Variants in ITPR1 observed in about 807,000 individuals in gnomAD.
ITPR1 encodes the protein inositol 1,4,5-trisphosphate-gated calcium channel ITPR1.
Under a neutral mutation model 318.4 loss-of-function variants are expected in ITPR1, and 96 were observed. The observed-to-expected ratio is 0.30, with a 90% CI of 0.26 to 0.36. The LOEUF is 0.36. ITPR1 is among the 10% of genes least tolerant of loss of function. The pLI is 1.00. For synonymous variants in ITPR1, 1,312 were observed against 1,289.9 expected (o/e 1.02, Z -0.37); for missense variants, 2,440 against 3,460.2 (o/e 0.71, Z 7.40).
intron 44 of ITPR1, among the ~76,000 whole-genome samples, chr3:4,758,515 T>C (rs1336234078): frequency 6.6e-6 from 1 of 152,230 alleles, no homozygotes; most frequent in Non-Finnish European, 1.5e-5. Context: ...ACCATGATCC[T>C]TGGACTGCAA....
chr3:4,667,569 C>A lies in ITPR1; in HGVS notation c.1886+20C>A, dbSNP rs115097974. 2,642 of 1,601,904 alleles carry A rather than the reference C, an allele frequency of 1.6e-3. 45 individuals carry two copies. The African/African-American group carries it at 0.026, about 16-fold the overall frequency. On this transcript the variant is annotated intron_variant, in intron 18 of 61. Coordinates refer to ENST00000649015, the MANE Select transcript of ITPR1 (RefSeq NM_001378452.1). ...GCCCAGGTGAGGCGGGAGTGGGGTCCATGCAGGATGGTGTCTCTGCCTGTA... is the reference window on the plus strand; with the variant it reads ...GCCCAGGTGAGGCGGGAGTGGGGTCAATGCAGGATGGTGTCTCTGCCTGTA...
intron 4 of ITPR1, among the ~76,000 whole-genome samples, chr3:4,575,979 C>T (rs1432760051): frequency 6.7e-6 from 1 of 149,624 alleles, no homozygotes. Flanking sequence ...ATGGTCATGC[C>T]ACCACACTCC....
chr3:4,519,225 T>G (rs1038187361), intron 3 of ITPR1, among the ~76,000 whole-genome samples: 6 of 152,062 alleles, frequency 3.9e-5, no homozygotes, highest in African/African-American at 1.4e-4. Flanking sequence ...ACTTGATGAT[T>G]TATTTATTTT....
chr3:4,637,401 G>A lies in ITPR1; in HGVS notation c.280-1983G>A, dbSNP rs114471773. ...ATCTCTGAAGGGAGTGTAAGCTCAG[G>A]TGTGAAATTAGGGAGAACAAGAGGT... On this transcript the variant is annotated intron_variant, in intron 5 of 61. Coordinates refer to ENST00000649015, the MANE Select transcript of ITPR1 (RefSeq NM_001378452.1). Among the ~76,000 whole-genome samples the A allele has an allele frequency of 4.0e-3, 602 of 152,322 alleles. 7 individuals carry two copies. Among genetic ancestry groups the A allele is most frequent in the Non-Finnish European group, 2.9e-3 (200 of 68,024 alleles).
chr3:4,664,363 C>A (rs1320804506), intron 16 of ITPR1, among the ~76,000 whole-genome samples: 2 of 152,260 alleles, frequency 1.3e-5, no homozygotes, highest in Non-Finnish European at 2.9e-5. Flanking sequence ...CCATGTCCTT[C>A]TGTAACCCAA....
intron 4 of ITPR1, among the ~76,000 whole-genome samples, chr3:4,555,090 C>G (rs2085992676): frequency 6.6e-6 from 1 of 152,064 alleles, no homozygotes; most frequent in South Asian, 2.1e-4. Flanking sequence ...CATAGGGCTT[C>G]TAATAAAGGA....
intron 4 of ITPR1, among the ~76,000 whole-genome samples, chr3:4,533,690 C>T (rs1272583705): frequency 2.0e-5 from 3 of 152,178 alleles, no homozygotes; most frequent in Non-Finnish European, 4.4e-5. Flanking sequence ...GCCAGGCAGA[C>T]TTTAGCCTTC....
At chr3:4,822,586 A>G (rs3792510) in intron 60 of ITPR1, among the ~76,000 whole-genome samples, 32,161 of 152,136 alleles carry the variant, frequency 0.21, 3,458 homozygotes, top group Admixed American at 0.22. Flanking sequence ...CCAGAAGTAG[A>G]GCTTTCATTG....
At chr3:4,714,973 G>C (rs1268920936) in intron 39 of ITPR1, among the ~76,000 whole-genome samples, 1 of 152,200 alleles carries the variant, frequency 6.6e-6, no homozygotes, top group African/African-American at 2.4e-5. Context: ...AAGTTACAAT[G>C]ATAACATTGA....
intron 4 of ITPR1, among the ~76,000 whole-genome samples, chr3:4,525,888 A>G (rs2124939287): frequency 6.6e-6 from 1 of 152,330 alleles, no homozygotes; most frequent in Admixed American, 6.5e-5. Context: ...AGATATCTAC[A>G]AAGAAAAGGT....
chr3:4,747,352 C>G (rs1440531038), intron 44 of ITPR1, among the ~76,000 whole-genome samples: 1 of 152,188 alleles, frequency 6.6e-6, no homozygotes, highest in Non-Finnish European at 1.5e-5. Context: ...AGTCACAGAG[C>G]CAGCTGGTAG....
chr3:4,623,814 C>T (rs1426737384), intron 4 of ITPR1, among the ~76,000 whole-genome samples: 1 of 152,164 alleles, frequency 6.6e-6, no homozygotes, highest in Non-Finnish European at 1.5e-5. Flanking sequence ...CGTTCTGTTA[C>T]TAGTATGTTA....
chr3:4,512,119 T>G (rs940016510), intron 2 of ITPR1, among the ~76,000 whole-genome samples: 7 of 152,136 alleles, frequency 4.6e-5, no homozygotes, highest in African/African-American at 1.7e-4. Context: ...GGGTTACAGA[T>G]GTGTACCACC....
chr3:4,751,995 G>C (rs998106717), intron 44 of ITPR1, among the ~76,000 whole-genome samples: 1 of 152,134 alleles, frequency 6.6e-6, no homozygotes, highest in Admixed American at 6.5e-5. Flanking sequence ...CTTTGAAACT[G>C]TCAGAGGCTC....
chr3:4,837,901 A>G (rs1174272421), intron 61 of ITPR1, among the ~76,000 whole-genome samples: 2 of 152,132 alleles, frequency 1.3e-5, no homozygotes, highest in Non-Finnish European at 2.9e-5. Flanking sequence ...AAGCTCTTTA[A>G]TCAACTCCAT....
intron 44 of ITPR1, among the ~76,000 whole-genome samples, chr3:4,745,602 A>G (rs1410997155): frequency 6.6e-6 from 1 of 152,170 alleles, no homozygotes; most frequent in Non-Finnish European, 1.5e-5. Flanking sequence ...TTGAGGCCCC[A>G]TCTCCAGCCT....
At chr3:4,503,869 C>G (rs1170331458) in intron 2 of ITPR1, among the ~76,000 whole-genome samples, 1 of 152,036 alleles carries the variant, frequency 6.6e-6, no homozygotes, top group Non-Finnish European at 1.5e-5. Context: ...AGAGGGGTGT[C>G]TCTTCAGGCT....
chr3:4,723,708 G>C (rs942306680), intron 40 of ITPR1, among the ~76,000 whole-genome samples: 1 of 151,270 alleles, frequency 6.6e-6, no homozygotes, highest in Non-Finnish European at 1.5e-5. Flanking sequence ...GTTTTGATTG[G>C]CAAAGGGGTA....
At chr3:4,660,642 G>C (rs1485570080) in intron 13 of ITPR1, among the ~76,000 whole-genome samples, 1 of 152,000 alleles carries the variant, frequency 6.6e-6, no homozygotes, top group East Asian at 1.9e-4. Flanking sequence ...AATCATTGCT[G>C]TATTATTATT....
Sources: allele counts gnomAD v4.1 joint callset (sites outside exome capture counted in the v4.1 genomes callset), GRCh38; gene constraint gnomAD v4.1.1; transcripts MANE v1.5; gene names NCBI Gene and HGNC (gene_info 2026-07-23, HGNC 2026-07-21).